PRRC2C: variants seen among roughly 807,000 people sequenced by gnomAD.
PRRC2C encodes the protein protein PRRC2C.
Under a neutral mutation model 317.2 loss-of-function variants are expected in PRRC2C, and 72 were observed. The ratio of observed to expected loss-of-function variants is 0.23; its 90% CI spans 0.19 to 0.28. The LOEUF is 0.28. PRRC2C is among the 10% of genes least tolerant of loss of function. PRRC2C has a pLI of 1.00. For missense variants in PRRC2C, 3,074 were observed against 3,459.7 expected (o/e 0.89, Z 2.80); for synonymous variants, 1,296 against 1,205.9 (o/e 1.07, Z -1.55).
At chr1:171,584,376 T>G (rs201506553) in intron 29 of PRRC2C, 43 bp from the exon 30 acceptor site, 49 of 1,496,370 alleles carry the variant, frequency 3.3e-5, no homozygotes, top group Non-Finnish European at 4.2e-5. Flanking sequence ...AATTTGAAAT[T>G]TTTTTCAGTC....
intron 11 of PRRC2C, among the ~76,000 whole-genome samples, chr1:171,531,045 A>G (rs1309684080): frequency 6.6e-6 from 1 of 152,240 alleles, no homozygotes; most frequent in Non-Finnish European, 1.5e-5. Context: ...ATCCAGCAGT[A>G]AAATGGAGCA....
At chr1:171,528,576 C>A (rs1418137075) in intron 11 of PRRC2C, among the ~76,000 whole-genome samples, 2 of 152,156 alleles carry the variant, frequency 1.3e-5, no homozygotes, top group Non-Finnish European at 2.9e-5. Context: ...CAGGCGTGAG[C>A]CACCGCGCCC....
At chr1:171,518,105 A>G (rs560155422) in intron 6 of PRRC2C, among the ~76,000 whole-genome samples, 1 of 152,342 alleles carries the variant, frequency 6.6e-6, no homozygotes, top group East Asian at 1.9e-4. Flanking sequence ...TAGGAAACAA[A>G]TCAGCAGTAT....
chr1:171,548,581 T>G (rs1023797444), intron 17 of PRRC2C, among the ~76,000 whole-genome samples: 2 of 152,238 alleles, frequency 1.3e-5, no homozygotes, highest in African/African-American at 4.8e-5. Context: ...TCACTCTTTC[T>G]TGATACTTAT....
At chr1:171,535,158 T>TAA (rs537396903) in intron 12 of PRRC2C, among the ~76,000 whole-genome samples, 15 of 147,834 alleles carry the variant, frequency 1.0e-4, no homozygotes, top group African/African-American at 3.7e-4. Context: ...TTTCATTATT[T>TAA]AAAAAAAAAA....
At chr1:171,546,766 A>G (rs1386013679) in intron 17 of PRRC2C, among the ~76,000 whole-genome samples, 1 of 151,732 alleles carries the variant, frequency 6.6e-6, no homozygotes, top group Non-Finnish European at 1.5e-5. Context: ...ATGCCCAGCT[A>G]ATTTATTATT....
intron 20 of PRRC2C, among the ~76,000 whole-genome samples, chr1:171,563,526 G>A (rs758747512): frequency 8.6e-5 from 13 of 152,040 alleles, no homozygotes; most frequent in Non-Finnish European, 1.6e-4. Context: ...GAACTTGAAC[G>A]TCATTTTGCT....
intron 32 of PRRC2C, 112 bp from the exon 33 acceptor site, chr1:171,588,263 GTAAA>G (rs1650513702): frequency 1.7e-6 from 2 of 1,179,484 alleles, no homozygotes; most frequent in South Asian, 2.6e-5. Context: ...AATCATCATA[GTAAA>G]TTTTTACCAA....
At chr1:171,500,121 A>C (rs552871081) in intron 1 of PRRC2C, among the ~76,000 whole-genome samples, 2 of 152,340 alleles carry the variant, frequency 1.3e-5, no homozygotes, top group South Asian at 4.1e-4. Flanking sequence ...ATGAGGAAAG[A>C]ACGGTAAACA....
In PRRC2C at chr1:171,545,709, TTTTATTTATTTA is replaced by T. The variant is rs57131009; in HGVS notation, c.4972+50_4972+61del. Reference sequence around the variant, plus strand: ...GCAAGTATGTCTTAGGTTTCTTTCATTTTATTTATTTATTTATTTATTTATTTATTTATTTAT... The same window carrying T: ...GCAAGTATGTCTTAGGTTTCTTTCATTTTATTTATTTATTTATTTATTTAT... On this transcript the variant is annotated intron_variant, in intron 17 of 34. Coordinates refer to ENST00000647382, the MANE Select transcript of PRRC2C (RefSeq NM_001387844.1). 371 of 804,084 alleles carry T rather than the reference TTTTATTTATTTA, an allele frequency of 4.6e-4. 8 individuals are homozygous for T. The highest frequency in any genetic ancestry group is 1.7e-3 in the East Asian group (50 of 30,146). 49.8% of individuals were successfully genotyped at this position (804,084 alleles called of 1,614,324 possible).
chr1:171,548,073 C>A (rs1202994471), intron 17 of PRRC2C, among the ~76,000 whole-genome samples: 5 of 152,196 alleles, frequency 3.3e-5, no homozygotes, highest in Non-Finnish European at 7.3e-5. Context: ...TCAAGCGATT[C>A]TCCTACCTCA....
chr1:171,585,324 GACAA>G (rs1649622048), intron 30 of PRRC2C, among the ~76,000 whole-genome samples: 1 of 152,136 alleles, frequency 6.6e-6, no homozygotes, highest in Non-Finnish European at 1.5e-5. Context: ...GAGCATAAAT[GACAA>G]ACACTTTCTT....
At chr1:171,520,112 G>A (rs930127446) in intron 6 of PRRC2C, among the ~76,000 whole-genome samples, 4 of 152,062 alleles carry the variant, frequency 2.6e-5, no homozygotes, top group African/African-American at 4.8e-5. Context: ...ACAGGGGCAC[G>A]CCATCACGCC....
At chr1:171,562,717 T>C (rs1409468026) in intron 20 of PRRC2C, among the ~76,000 whole-genome samples, 2 of 152,200 alleles carry the variant, frequency 1.3e-5, no homozygotes, top group Non-Finnish European at 2.9e-5. Context: ...AGATTTAAGA[T>C]GCTTATTATG....
chr1:171,556,210 T>C (rs1317993287), intron 18 of PRRC2C, among the ~76,000 whole-genome samples: 1 of 152,238 alleles, frequency 6.6e-6, no homozygotes, highest in African/African-American at 2.4e-5. Context: ...CAAGGCTCTA[T>C]GGGCGTGGGA....
At chr1:171,487,688 T>G (rs944649000) in intron 1 of PRRC2C, among the ~76,000 whole-genome samples, 2 of 152,168 alleles carry the variant, frequency 1.3e-5, no homozygotes, top group African/African-American at 4.8e-5. Flanking sequence ...CAGAGGCTTT[T>G]ATAGGAGTAA....
intron 1 of PRRC2C, among the ~76,000 whole-genome samples, chr1:171,499,197 A>G (rs541402636): frequency 5.3e-5 from 8 of 152,222 alleles, no homozygotes; most frequent in Middle Eastern, 3.4e-3. Context: ...AGCCTCCTCA[A>G]ATTTCTAAAT....
intron 2 of PRRC2C, 125 bp downstream of exon 2, chr1:171,512,325 T>G (rs1374536542): frequency 1.4e-6 from 1 of 693,798 alleles, no homozygotes; most frequent in Non-Finnish European, 2.6e-6. Flanking sequence ...ATTTGCGTTT[T>G]TATGCATGCA....
intron 1 of PRRC2C, among the ~76,000 whole-genome samples, chr1:171,506,587 G>A (rs1352827001): frequency 7.4e-6 from 1 of 134,338 alleles, no homozygotes; most frequent in Non-Finnish European, 1.5e-5. Context: ...GTTGTCTTAA[G>A]GTTCACTTAA....
Sources: gnomAD v4.1 joint callset for allele counts (sites outside exome capture counted in the v4.1 genomes callset) on GRCh38, gnomAD v4.1.1 for gene constraint, MANE v1.5 for transcripts, NCBI Gene and HGNC (gene_info 2026-07-23, HGNC 2026-07-21) for gene names.